The following TXLNB variants were observed in gnomAD, a reference collection of about 807,000 sequenced individuals.
TXLNB encodes the protein beta-taxilin.
TXLNB carries 37 observed loss-of-function variants against 57.4 expected under a neutral mutation model. The observed-to-expected ratio is 0.64, with a 90% CI of 0.50 to 0.85. TXLNB has a LOEUF of 0.85. TXLNB is among the 40% of genes least tolerant of loss of function. TXLNB has a pLI of 0.00. For missense variants in TXLNB, 848 were observed against 825.6 expected (o/e 1.03, Z -0.33); for synonymous variants, 302 against 309.6 (o/e 0.98, Z 0.26).
the TXLNB span, among the ~76,000 whole-genome samples, chr6:139,308,176 G>C: frequency 5.6e-4 from 85 of 152,200 alleles, no homozygotes; most frequent in African/African-American, 1.9e-3. Flanking sequence ...AGGCAGAGTG[G>C]AAGGGCTGAT....
At chr6:139,258,550 A>T (rs1424467241) in intron 6 of TXLNB, among the ~76,000 whole-genome samples, 1 of 152,242 alleles carries the variant, frequency 6.6e-6, no homozygotes, top group Middle Eastern at 3.2e-3. Context: ...TGTCCACCAG[A>T]TTATGTTGCT....
intron 4 of TXLNB, among the ~76,000 whole-genome samples, chr6:139,266,160 A>G (rs1051138506): frequency 2.0e-5 from 3 of 152,246 alleles, no homozygotes; most frequent in Admixed American, 6.5e-5. Context: ...TCTCCAGAAC[A>G]TAATAGTCAC....
the TXLNB span, among the ~76,000 whole-genome samples, chr6:139,205,929 G>T: frequency 3.3e-5 from 5 of 152,304 alleles, no homozygotes; most frequent in East Asian, 7.7e-4. Flanking sequence ...TGAGACAAAA[G>T]CATCAGGTAA....
At chr6:139,287,887 C>G (rs1468813304) in intron 2 of TXLNB, among the ~76,000 whole-genome samples, 1 of 152,184 alleles carries the variant, frequency 6.6e-6, no homozygotes, top group Non-Finnish European at 1.5e-5. Flanking sequence ...TTTCTCTATA[C>G]TTACAGCTCC....
the TXLNB span, among the ~76,000 whole-genome samples, chr6:139,202,635 A>G: frequency 6.6e-6 from 1 of 152,232 alleles, no homozygotes; most frequent in Non-Finnish European, 1.5e-5. Context: ...TGATACATGT[A>G]TACAATGTAT....
At chr6:139,225,370 A>G in the TXLNB span, among the ~76,000 whole-genome samples, 1 of 152,178 alleles carries the variant, frequency 6.6e-6, no homozygotes, top group Non-Finnish European at 1.5e-5. Flanking sequence ...AATGAGTGGA[A>G]AGGGAGAAAA....
intron 7 of TXLNB, among the ~76,000 whole-genome samples, chr6:139,252,526 A>G (rs948014988): frequency 2.0e-5 from 3 of 152,212 alleles, no homozygotes; most frequent in African/African-American, 7.2e-5. Context: ...GGTTCTTGCA[A>G]TTAGTGAGGC....
chr6:139,295,736 A>T (rs1227463368), upstream of TXLNB, among the ~76,000 whole-genome samples: 1 of 152,140 alleles, frequency 6.6e-6, no homozygotes, highest in Non-Finnish European at 1.5e-5. Flanking sequence ...TTCCCCACAA[A>T]ATTATATCTC....
intron 2 of TXLNB, among the ~76,000 whole-genome samples, chr6:139,280,728 TA>T (rs1160639462): frequency 7.2e-5 from 11 of 152,228 alleles, no homozygotes; most frequent in African/African-American, 2.7e-4. Context: ...CGTACTTGTG[TA>T]CCTCTCTAAC....
At chr6:139,228,027 T>C in the TXLNB span, among the ~76,000 whole-genome samples, 1 of 152,218 alleles carries the variant, frequency 6.6e-6, no homozygotes, top group Non-Finnish European at 1.5e-5. Context: ...TTTTTAAAGA[T>C]ATGTTGAGAA....
chr6:139,292,296 T>G (rs1362512015), upstream of TXLNB, among the ~76,000 whole-genome samples: 1 of 152,214 alleles, frequency 6.6e-6, no homozygotes, highest in Non-Finnish European at 1.5e-5. This position sits in a 1 kb window ranked among gnomAD's most constrained non-coding sequence, Gnocchi z 4.0. Context: ...TTTCGGAAAT[T>G]TAAACTCTGA....
At chr6:139,168,761 A>G in the TXLNB span, among the ~76,000 whole-genome samples, 1 of 152,206 alleles carries the variant, frequency 6.6e-6, no homozygotes, top group African/African-American at 2.4e-5. Context: ...GAAAGGGAGC[A>G]TGGGAATAGA....
intron 2 of TXLNB, among the ~76,000 whole-genome samples, chr6:139,287,737 A>C (rs796177082): frequency 6.6e-6 from 1 of 152,144 alleles, no homozygotes; most frequent in Non-Finnish European, 1.5e-5. Context: ...AACATGCTTC[A>C]CTCATAGTTT....
chr6:139,231,523 A>C, the TXLNB span, among the ~76,000 whole-genome samples: 103,423 of 152,120 alleles, frequency 0.68, 36,475 homozygotes, highest in East Asian at 0.81. Flanking sequence ...TAAATCCTTC[A>C]TCTTTCCCTA....
chr6:139,217,763 G>A, the TXLNB span, among the ~76,000 whole-genome samples: 3 of 151,598 alleles, frequency 2.0e-5, no homozygotes, highest in Admixed American at 6.6e-5. Flanking sequence ...CAGCTACTCG[G>A]GTGGCTGAGG....
At chr6:139,257,707 T>A (rs1048525530) in intron 6 of TXLNB, among the ~76,000 whole-genome samples, 2 of 151,618 alleles carry the variant, frequency 1.3e-5, no homozygotes, top group Middle Eastern at 3.4e-3. Flanking sequence ...TTTCCCACTT[T>A]TAGTTTATCC....
chr6:139,270,691 A>C, intron 3 of TXLNB, 65 bp from the exon 4 acceptor site: 12 of 1,422,544 alleles, frequency 8.4e-6, no homozygotes, highest in Non-Finnish European at 1.1e-5. Flanking sequence ...GGATAGAAAA[A>C]AAGCAAACCT....
At chr6:139,284,821 T>C (rs983483690) in intron 2 of TXLNB, among the ~76,000 whole-genome samples, 4 of 146,488 alleles carry the variant, frequency 2.7e-5, no homozygotes, top group African/African-American at 5.0e-5. Context: ...ACCATTTAAC[T>C]GAAAAGTAGC....
intron 1 of TXLNB, among the ~76,000 whole-genome samples, chr6:139,290,081 T>A (rs1451640833): frequency 3.9e-5 from 6 of 152,094 alleles, no homozygotes; most frequent in African/African-American, 1.4e-4. Flanking sequence ...TATAAATAAA[T>A]AGACAAAGTA....
Sources: allele counts gnomAD v4.1 joint callset (sites outside exome capture counted in the v4.1 genomes callset), GRCh38; gene constraint gnomAD v4.1.1; non-coding constraint Gnocchi (gnomAD v3.1); transcripts MANE v1.5; gene names NCBI Gene and HGNC (gene_info 2026-07-23, HGNC 2026-07-21).